The following KCTD8 variants were observed in gnomAD, a reference collection of about 807,000 sequenced individuals.
KCTD8 encodes the protein potassium channel tetramerization domain containing 8.
Under a neutral mutation model 31.5 loss-of-function variants are expected in KCTD8, and 27 were observed. That is an observed-to-expected ratio of 0.86 (90% CI 0.63 to 1.18). KCTD8 has a LOEUF of 1.18. KCTD8 is among the 50% of genes most tolerant of loss of function. The pLI is 0.00. For missense variants in KCTD8, 658 were observed against 647.7 expected (o/e 1.02, Z -0.17); for synonymous variants, 290 against 280.0 (o/e 1.04, Z -0.36).
rs573765449 is a variant in KCTD8, at chr4:44,218,830, T to C, written c.962-43580A>G. Among the ~76,000 whole-genome samples, 71 of 152,206 alleles carry C rather than the reference T, an allele frequency of 4.7e-4. No homozygotes were observed. The Middle Eastern group carries it at 0.014, about 29-fold the overall frequency. On this transcript the variant is annotated intron_variant, in intron 1 of 1. Transcript: ENST00000360029. Reference sequence around the variant, plus strand: ...TTTTGAGCTAAATAATGGATTATAATAAATTATAAAATGTTGCTCTGCTTC... The same window carrying C: ...TTTTGAGCTAAATAATGGATTATAACAAATTATAAAATGTTGCTCTGCTTC...
chr4:44,284,259 T>C (rs1335483737), intron 1 of KCTD8, among the ~76,000 whole-genome samples: 1 of 152,170 alleles, frequency 6.6e-6, no homozygotes, highest in Non-Finnish European at 1.5e-5. Context: ...CCAAACAGCA[T>C]GGTACTGGTA....
intron 1 of KCTD8, among the ~76,000 whole-genome samples, chr4:44,266,936 A>T (rs1349953577): frequency 6.6e-6 from 1 of 151,972 alleles, no homozygotes; most frequent in East Asian, 1.9e-4. Context: ...CTCCCACACA[A>T]TAATAATGGG....
chr4:44,266,081 C>T (rs1281971981), intron 1 of KCTD8, among the ~76,000 whole-genome samples: 1 of 151,612 alleles, frequency 6.6e-6, no homozygotes, highest in East Asian at 1.9e-4. Context: ...AACTCCAAGA[C>T]ACATAATTGT....
Position 44,175,101 on chromosome 4 carries a change from C to A in KCTD8, c.1111G>T (p.Asp371Tyr), listed in dbSNP as rs1201879198. Reference protein sequence around the residue: ...DSHSEASTPQDNPSSAQQATA... With the variant: ...DSHSEASTPQYNPSSAQQATA... ...GCCTGCTGGGCACTGGATGGGTTGT[C>A]CTGGGGAGTGCTTGCCTCTGAATGG... Residue 371 changes from aspartate (D) to tyrosine (Y), a missense_variant, in exon 2 of 2, where the codon GAC (aspartate) becomes TAC (tyrosine). Asp to Tyr is a radical substitution (Grantham distance 160). Transcript: ENST00000360029. 3.7e-6 allele frequency: 6 copies of A among 1,613,940 alleles called. No homozygotes were observed. The highest frequency in any genetic ancestry group is 5.1e-6 in the Non-Finnish European group (6 of 1,179,958).
At chr4:44,237,599 A>G (rs1416973583) in intron 1 of KCTD8, among the ~76,000 whole-genome samples, 2 of 152,214 alleles carry the variant, frequency 1.3e-5, no homozygotes, top group Non-Finnish European at 2.9e-5. Context: ...TAACTCACAT[A>G]TCATTTCAAC....
intron 1 of KCTD8, among the ~76,000 whole-genome samples, chr4:44,432,917 G>A (rs1380232723): frequency 6.6e-6 from 1 of 151,378 alleles, no homozygotes; most frequent in South Asian, 2.1e-4. Context: ...AACTTGTTTC[G>A]CCCATAGCTT....
chr4:44,252,862 C>T (rs1305640938), intron 1 of KCTD8, among the ~76,000 whole-genome samples: 1 of 151,624 alleles, frequency 6.6e-6, no homozygotes, highest in Admixed American at 6.6e-5. Context: ...TGAAAAGAGG[C>T]ACTTCCTTAC....
At chr4:44,312,618 A>G (rs1717988558) in intron 1 of KCTD8, among the ~76,000 whole-genome samples, 1 of 152,206 alleles carries the variant, frequency 6.6e-6, no homozygotes, top group African/African-American at 2.4e-5. Context: ...TGAAAAAAGC[A>G]TTACATATCC....
intron 1 of KCTD8, among the ~76,000 whole-genome samples, chr4:44,181,639 C>T (rs921171493): frequency 5.9e-5 from 9 of 152,290 alleles, no homozygotes; most frequent in South Asian, 2.1e-4. Flanking sequence ...CCCAAAGTGC[C>T]GAGATTGCAG....
At chr4:44,325,130 C>G (rs1718409900) in intron 1 of KCTD8, among the ~76,000 whole-genome samples, 1 of 151,934 alleles carries the variant, frequency 6.6e-6, no homozygotes, top group South Asian at 2.1e-4. Flanking sequence ...ATGCAATTGT[C>G]TGTTTGAATG....
At chr4:44,266,568 T>G (rs1378015869) in intron 1 of KCTD8, among the ~76,000 whole-genome samples, 29 of 151,672 alleles carry the variant, frequency 1.9e-4, no homozygotes, top group Non-Finnish European at 7.4e-5. Context: ...GTAAATGGAC[T>G]AAATGCTCCA....
At chr4:44,339,746 T>C (rs1718847545) in intron 1 of KCTD8, among the ~76,000 whole-genome samples, 1 of 152,126 alleles carries the variant, frequency 6.6e-6, no homozygotes, top group African/African-American at 2.4e-5. Flanking sequence ...TACACCAAGG[T>C]AGACCAATAC....
At chr4:44,185,424 A>T (rs1485841565) in intron 1 of KCTD8, among the ~76,000 whole-genome samples, 1 of 152,232 alleles carries the variant, frequency 6.6e-6, no homozygotes, top group African/African-American at 2.4e-5. Context: ...ACCTAATTCC[A>T]TTAAGTATAT....
intron 1 of KCTD8, among the ~76,000 whole-genome samples, chr4:44,272,615 G>A (rs1008288312): frequency 5.3e-5 from 8 of 152,006 alleles, no homozygotes; most frequent in African/African-American, 1.2e-4. Context: ...TCACACATCC[G>A]TGGAGTAGGT....
chr4:44,348,347 C>T (rs1360861341), intron 1 of KCTD8, among the ~76,000 whole-genome samples: 1 of 152,198 alleles, frequency 6.6e-6, no homozygotes, highest in East Asian at 1.9e-4. Context: ...GAAAGTCCAA[C>T]TTGAAAATAT....
At chr4:44,380,687 G>A (rs1264451575) in intron 1 of KCTD8, among the ~76,000 whole-genome samples, 1 of 151,818 alleles carries the variant, frequency 6.6e-6, no homozygotes, top group African/African-American at 2.4e-5. Context: ...ATAAATACAG[G>A]TTCACTTTGC....
chr4:44,267,555 T>G (rs1468252739), intron 1 of KCTD8, among the ~76,000 whole-genome samples: 1 of 151,786 alleles, frequency 6.6e-6, no homozygotes, highest in Non-Finnish European at 1.5e-5. Flanking sequence ...AGAGCAGAAC[T>G]GAAGGAAATA....
At chr4:44,424,541 C>T (rs7685859) in intron 1 of KCTD8, among the ~76,000 whole-genome samples, 19,930 of 151,972 alleles carry the variant, frequency 0.13, 2,633 homozygotes, top group African/African-American at 0.33. Flanking sequence ...GAAAGCATTA[C>T]ACAATTTCTT....
intron 1 of KCTD8, among the ~76,000 whole-genome samples, chr4:44,393,209 T>C (rs1267788618): frequency 6.6e-6 from 1 of 151,968 alleles, no homozygotes; most frequent in Non-Finnish European, 1.5e-5. Context: ...CAGCAAACTG[T>C]AGGTCTGATG....
Sources: gnomAD v4.1 joint callset for allele counts (sites outside exome capture counted in the v4.1 genomes callset) on GRCh38, gnomAD v4.1.1 for gene constraint, MANE v1.5 for transcripts, NCBI Gene and HGNC (gene_info 2026-07-23, HGNC 2026-07-21) for gene names.